FHIP1A: variants seen among roughly 807,000 people sequenced by gnomAD.
FHIP1A encodes the protein FHF complex subunit HOOK interacting protein 1A, also known as FHF complex subunit HOOK-interacting protein 1A.
A neutral mutation model predicts 88.6 loss-of-function variants in FHIP1A; 61 were observed. The observed-to-expected ratio is 0.69, with a 90% CI of 0.56 to 0.85. The LOEUF (loss-of-function observed/expected upper bound fraction) is 0.85, where lower values mean the gene tolerates loss of function less well. Among genes scored for constraint, FHIP1A ranks in the 40% least tolerant of loss-of-function variants. The pLI is 0.00. For missense variants in FHIP1A, 1,154 were observed against 1,273.5 expected (o/e 0.91, Z 1.43); for synonymous variants, 478 against 496.0 (o/e 0.96, Z 0.48).
chr4:151,480,850 T>G (rs974795077), intron 2 of FHIP1A, among the ~76,000 whole-genome samples: 1 of 152,024 alleles, frequency 6.6e-6, no homozygotes, highest in Non-Finnish European at 1.5e-5. Context: ...TTTTTTTCTT[T>G]TCACGAATAT....
chr4:151,556,107 CTTTAA>C (rs991036927), intron 3 of FHIP1A, among the ~76,000 whole-genome samples: 1 of 152,008 alleles, frequency 6.6e-6, no homozygotes, highest in African/African-American at 2.4e-5. Flanking sequence ...TTTAAGTGTA[CTTTAA>C]TTATAATATG....
chr4:151,465,207 A>G (rs1729266077), intron 2 of FHIP1A, among the ~76,000 whole-genome samples: 1 of 152,164 alleles, frequency 6.6e-6, no homozygotes, highest in Non-Finnish European at 1.5e-5. Context: ...TAAAAGAAAA[A>G]CAAAAACAAA....
chr4:151,619,815 T>C (rs1033292160), intron 7 of FHIP1A, among the ~76,000 whole-genome samples: 15 of 152,192 alleles, frequency 9.9e-5, no homozygotes, highest in African/African-American at 3.4e-4. Flanking sequence ...ACTGAATCGG[T>C]GTGCCTAAGG....
At chr4:151,420,953 A>G (rs1733138320) in intron 1 of FHIP1A, among the ~76,000 whole-genome samples, 1 of 152,230 alleles carries the variant, frequency 6.6e-6, no homozygotes, top group African/African-American at 2.4e-5. Context: ...TGTTACTAGA[A>G]ATGAAACTTT....
intron 4 of FHIP1A, among the ~76,000 whole-genome samples, chr4:151,576,069 A>G (rs894498905): frequency 3.3e-5 from 5 of 152,186 alleles, no homozygotes; most frequent in African/African-American, 1.2e-4. Flanking sequence ...TGAATATTAT[A>G]CCAGAAATTC....
intron 8 of FHIP1A, among the ~76,000 whole-genome samples, chr4:151,637,595 G>A (rs1736401392): frequency 6.6e-6 from 1 of 152,192 alleles, no homozygotes; most frequent in Non-Finnish European, 1.5e-5. Context: ...CTGAGCTGGG[G>A]AAAGGAAGTG....
At chr4:151,504,276 C>T (rs1353064546) in intron 3 of FHIP1A, among the ~76,000 whole-genome samples, 1 of 152,234 alleles carries the variant, frequency 6.6e-6, no homozygotes, top group Non-Finnish European at 1.5e-5. Flanking sequence ...ATCATTTCCA[C>T]ACTGAGATTT....
At chr4:151,500,894 AC>A (rs1560733789) in intron 3 of FHIP1A, among the ~76,000 whole-genome samples, 2 of 152,336 alleles carry the variant, frequency 1.3e-5, no homozygotes, top group African/African-American at 2.4e-5. Flanking sequence ...ACCAGCATAT[AC>A]TTTTATGTTT....
chr4:151,477,200 CA>C (rs1402755762), intron 2 of FHIP1A, among the ~76,000 whole-genome samples: 6 of 152,192 alleles, frequency 3.9e-5, no homozygotes, highest in Admixed American at 1.3e-4. Flanking sequence ...AGTAAGTCTA[CA>C]ATAATTGAAA....
chr4:151,606,793 T>C (rs1461709665), intron 7 of FHIP1A, among the ~76,000 whole-genome samples: 2 of 152,210 alleles, frequency 1.3e-5, no homozygotes, highest in Non-Finnish European at 2.9e-5. Context: ...TTTCTTACCA[T>C]GCTTGGAGTA....
intron 3 of FHIP1A, among the ~76,000 whole-genome samples, chr4:151,555,089 G>A (rs1454358564): frequency 1.3e-5 from 2 of 152,040 alleles, no homozygotes; most frequent in African/African-American, 4.8e-5. Flanking sequence ...AAATCACAGG[G>A]GGCTCTGTTC....
At chr4:151,527,320 G>T (rs1295671576) in intron 3 of FHIP1A, among the ~76,000 whole-genome samples, 1 of 152,222 alleles carries the variant, frequency 6.6e-6, no homozygotes, top group Non-Finnish European at 1.5e-5. Context: ...TTAGGAGCTG[G>T]AGACCAGCCC....
At chr4:151,470,064 G>C (rs1023840317) in intron 2 of FHIP1A, among the ~76,000 whole-genome samples, 1 of 152,152 alleles carries the variant, frequency 6.6e-6, no homozygotes, top group African/African-American at 2.4e-5. Flanking sequence ...CATCATAAAA[G>C]CACAGTGATT....
rs547606997 is a variant in FHIP1A at position 151,526,047 on chromosome 4, CAT to C, written c.-122-40090_-122-40089del. Among the ~76,000 whole-genome samples, 692 of 152,284 alleles carry C rather than the reference CAT, an allele frequency of 4.5e-3. 5 individuals carry two copies. Among genetic ancestry groups the C allele is most frequent in the African/African-American group, 0.016 (657 of 41,568 alleles). ...CATTCAACCCTGAGTGGATACAGCA[CAT>C]GTTTCAGATAGCACAGGGTTGGGGG... On this transcript the variant is annotated intron_variant, in intron 3 of 13. Transcript: ENST00000435205.
intron 3 of FHIP1A, among the ~76,000 whole-genome samples, chr4:151,537,641 T>G (rs944974225): frequency 6.6e-6 from 1 of 152,210 alleles, no homozygotes; most frequent in African/African-American, 2.4e-5. Context: ...CAGATTGTGC[T>G]TGTGGTGTCA....
chr4:151,656,271 T>C lies in FHIP1A; in HGVS notation c.2591T>C (p.Met864Thr). 1 of 1,551,688 alleles carries C rather than the reference T, an allele frequency of 6.4e-7. No homozygotes were observed. Among genetic ancestry groups the C allele is most frequent in the Non-Finnish European group, 8.7e-7 (1 of 1,146,986 alleles). ...GTAGTCCTGTCAAAGCTGGAGAACATGCTGGAGAACTCTTTACATGTTAAT... is the reference window on the plus strand; with the variant it reads ...GTAGTCCTGTCAAAGCTGGAGAACACGCTGGAGAACTCTTTACATGTTAAT... ...ISVVLSKLEN[M>T]LENSLHVNLL... The change falls in exon 12 of 14, where the codon ATG becomes ACG. Residue 864 changes from methionine to threonine, a missense_variant. Physicochemically the swap from Met to Thr is moderately conservative, Grantham distance 81 (BLOSUM62 -1). Coordinates refer to ENST00000435205, the MANE Select transcript of FHIP1A (RefSeq NM_001109977.3). This position sits in a 1 kb window ranked among gnomAD's most constrained non-coding sequence, Gnocchi z 4.2.
chr4:151,492,359 A>AG (rs1730312893), intron 3 of FHIP1A, among the ~76,000 whole-genome samples: 1 of 152,104 alleles, frequency 6.6e-6, no homozygotes, highest in Non-Finnish European at 1.5e-5. Context: ...TGGGAGGCTG[A>AG]GGTGGGTGGA....
intron 2 of FHIP1A, among the ~76,000 whole-genome samples, chr4:151,481,140 C>T (rs1055982860): frequency 2.6e-5 from 4 of 152,014 alleles, no homozygotes; most frequent in Admixed American, 6.6e-5. Context: ...TTATTTGTAA[C>T]TATATCAGAA....
At chr4:151,662,434 C>T in intron 13 of FHIP1A, 67 bp from the exon 14 acceptor site, 2 of 1,438,880 alleles carry the variant, frequency 1.4e-6, no homozygotes, top group Admixed American at 2.9e-5. Flanking sequence ...CAAACACATG[C>T]TTCACTGAAG....
Sources: gnomAD v4.1 joint callset for allele counts (sites outside exome capture counted in the v4.1 genomes callset) on GRCh38, gnomAD v4.1.1 for gene constraint, Gnocchi (gnomAD v3.1) non-coding constraint, MANE v1.5 for transcripts, NCBI Gene and HGNC (gene_info 2026-07-23, HGNC 2026-07-21) for gene names.